Variants in XKR6 observed in about 807,000 individuals in gnomAD.
The protein encoded by XKR6 is XK-related protein 6.
XKR6 carries 22 observed loss-of-function variants against 56.7 expected under a neutral mutation model. The ratio of observed to expected loss-of-function variants is 0.39; its 90% CI spans 0.28 to 0.55. The LOEUF is 0.55. Among genes scored for constraint, XKR6 ranks in the 20% least tolerant of loss-of-function variants. XKR6 has a pLI of 0.66. For synonymous variants in XKR6, 524 were observed against 387.8 expected (o/e 1.35, Z -4.13); for missense variants, 852 against 889.0 (o/e 0.96, Z 0.53).
chr8:10,997,966 T>C (rs997093307), intron 1 of XKR6, among the ~76,000 whole-genome samples: 6 of 152,076 alleles, frequency 3.9e-5, no homozygotes, highest in Admixed American at 1.3e-4. Context: ...AAGAGGAATT[T>C]ACAAAGATTC....
intron 1 of XKR6, among the ~76,000 whole-genome samples, chr8:11,121,389 A>T: frequency 6.6e-6 from 1 of 152,232 alleles, no homozygotes; most frequent in Non-Finnish European, 1.5e-5. Context: ...ATATGAACAG[A>T]CACTTCTCAA....
chr8:11,178,547 A>ATATATATATATATATGTAT (rs1802779230), intron 1 of XKR6, among the ~76,000 whole-genome samples: 9 of 88,490 alleles, frequency 1.0e-4, no homozygotes, highest in African/African-American at 5.2e-4. Flanking sequence ...GAGAGGTAAA[A>ATATATATATATATATGTAT]ATATATATAT....
rs746100416 is a variant in XKR6, at chr8:10,897,993, G to C, written c.1885C>G (p.Pro629Ala). 1.6e-5 allele frequency: 26 copies of C among 1,609,434 alleles called. No individual in the cohort carries two copies. The highest frequency in any genetic ancestry group is 2.0e-5 in the Non-Finnish European group (24 of 1,178,128). Reference protein sequence around the residue: ...TAVGIRYRDGPLLYELLQYES... With the variant: ...TAVGIRYRDGALLYELLQYES... ...TACTGTAGCAACTCATAGAGGAGTG[G>C]TCCGTCTCGATATCGAATGCCTACT... The change falls in exon 3 of 3, where the codon CCA (proline) becomes GCA (alanine). Residue 629 changes from proline (P) to alanine (A), a missense_variant. By Grantham distance (27) the Pro-to-Ala change is conservative. Around this residue, in one of 4 missense-constraint regions of XKR6, gnomAD observed 39 missense variants for 62.5 expected, o/e 0.62. Coordinates refer to ENST00000416569, the MANE Select transcript of XKR6 (RefSeq NM_173683.4).
intron 1 of XKR6, among the ~76,000 whole-genome samples, chr8:10,971,311 C>T (rs545009513): frequency 6.6e-6 from 1 of 151,886 alleles, no homozygotes; most frequent in South Asian, 2.1e-4. Flanking sequence ...GTCCCGGCTA[C>T]TCGGGAGGCT....
intron 1 of XKR6, chr8:11,129,026 C>A (rs1388171644): frequency 2.2e-6 from 1 of 453,926 alleles, no homozygotes; most frequent in Non-Finnish European, 4.4e-6. Context: ...AACTTACACA[C>A]AGTGAAATTA....
Position 10,981,348 on chromosome 8 carries a change from G to A in XKR6, c.765-56518C>T, listed in dbSNP as rs1797731405. On this transcript the variant is annotated intron_variant, in intron 1 of 2. Coordinates refer to ENST00000416569, the MANE Select transcript of XKR6 (RefSeq NM_173683.4). ...TTCGGATGCACTGCACGTTCCAGGT[G>A]AGGCCCATGGAGGCCTCACCAGAAG... Among the ~76,000 whole-genome samples, 5 of 152,274 alleles carry A rather than the reference G, an allele frequency of 3.3e-5. No homozygotes were observed. In the South Asian group the frequency reaches 1.0e-3, roughly 32 times the overall value.
At chr8:11,039,806 C>G (rs767490224) in intron 1 of XKR6, among the ~76,000 whole-genome samples, 72 of 152,212 alleles carry the variant, frequency 4.7e-4, no homozygotes, top group Non-Finnish European at 6.5e-4. Context: ...GCATACAGCC[C>G]CCACCTGACA....
chr8:11,128,433 C>A (rs1799936580), intron 1 of XKR6, among the ~76,000 whole-genome samples: 1 of 152,192 alleles, frequency 6.6e-6, no homozygotes, highest in Admixed American at 6.5e-5. Context: ...ATCACAACTG[C>A]CTATTTGATA....
chr8:11,001,888 C>T (rs1219010885), intron 1 of XKR6, among the ~76,000 whole-genome samples: 1 of 152,118 alleles, frequency 6.6e-6, no homozygotes, highest in Non-Finnish European at 1.5e-5. Context: ...CCTTGGAGAG[C>T]CCTGGTCCCT....
intron 1 of XKR6, among the ~76,000 whole-genome samples, chr8:11,157,336 C>T (rs1740758054): frequency 6.6e-6 from 1 of 152,106 alleles, no homozygotes; most frequent in African/African-American, 2.4e-5. Context: ...TACTAACATA[C>T]CAATGATGGT....
At chr8:11,014,397 T>A (rs748745698) in intron 1 of XKR6, among the ~76,000 whole-genome samples, 12 of 152,200 alleles carry the variant, frequency 7.9e-5, no homozygotes, top group Non-Finnish European at 1.8e-4. Context: ...TGTGCTGGCC[T>A]GTGAATGATC....
At chr8:11,097,536 G>A (rs1221333486) in intron 1 of XKR6, among the ~76,000 whole-genome samples, 6 of 151,026 alleles carry the variant, frequency 4.0e-5, no homozygotes, top group Non-Finnish European at 5.9e-5. Context: ...GGCTGGGTGC[G>A]GTGTCTCACA....
chr8:11,048,210 G>C (rs1023688865), intron 1 of XKR6, among the ~76,000 whole-genome samples: 10 of 152,172 alleles, frequency 6.6e-5, no homozygotes, highest in African/African-American at 1.9e-4. Context: ...CTGAACTTCC[G>C]TATCTCACCG....
intron 1 of XKR6, among the ~76,000 whole-genome samples, chr8:11,050,431 C>T (rs955571106): frequency 6.6e-6 from 1 of 152,076 alleles, no homozygotes; most frequent in Admixed American, 6.5e-5. Flanking sequence ...CCAGCTCCGA[C>T]AGTCTACAAC....
chr8:10,901,618 G>A (rs753477912), intron 2 of XKR6, among the ~76,000 whole-genome samples: 19 of 152,148 alleles, frequency 1.2e-4, no homozygotes, highest in Admixed American at 3.3e-4. Context: ...AGGTCCTACC[G>A]ACCCATAGTA....
In XKR6 at chr8:10,898,261, G is replaced by A; in HGVS notation, c.1617C>T (p.Thr539=). ...TTACGGCTCTGGTGGGCGTAACCTGGGTCCCCCGGTACCCAGGGATCTCAG... is the reference window on the plus strand; with the variant it reads ...TTACGGCTCTGGTGGGCGTAACCTGAGTCCCCCGGTACCCAGGGATCTCAG... ...MAPEIPGYRG[T]QVTPTRAVTE... The change falls in exon 3 of 3, where the codon ACC becomes ACT. Residue 539 remains threonine (T), a synonymous_variant. Transcript: ENST00000416569. This position sits in a 1 kb window ranked among gnomAD's most constrained non-coding sequence, Gnocchi z 6.6. 6 of 1,614,080 alleles carry A rather than the reference G, an allele frequency of 3.7e-6. No individual in the cohort carries two copies. Among genetic ancestry groups the A allele is most frequent in the Non-Finnish European group, 5.1e-6 (6 of 1,180,000 alleles).
At chr8:11,036,032 C>G (rs1000482653) in intron 1 of XKR6, among the ~76,000 whole-genome samples, 1 of 150,666 alleles carries the variant, frequency 6.6e-6, no homozygotes, top group Non-Finnish European at 1.5e-5. Flanking sequence ...CAGCCCTGAC[C>G]TCCTGGGCTC....
At chr8:11,046,734 T>C (rs1016803631) in intron 1 of XKR6, among the ~76,000 whole-genome samples, 2 of 152,208 alleles carry the variant, frequency 1.3e-5, no homozygotes, top group African/African-American at 4.8e-5. Context: ...TGGCCATCCA[T>C]GGATGAATAG....
At chr8:10,949,476 T>A (rs1410803750) in intron 1 of XKR6, among the ~76,000 whole-genome samples, 1 of 152,192 alleles carries the variant, frequency 6.6e-6, no homozygotes, top group Non-Finnish European at 1.5e-5. Flanking sequence ...TCCCCAGGGC[T>A]CTGAGCTCTC....
Sources: allele counts gnomAD v4.1 joint callset (sites outside exome capture counted in the v4.1 genomes callset), GRCh38; gene constraint gnomAD v4.1.1; regional missense constraint gnomAD v4.1.1; non-coding constraint Gnocchi (gnomAD v3.1); transcripts MANE v1.5; gene names NCBI Gene and HGNC (gene_info 2026-07-23, HGNC 2026-07-21).